MX2: variants seen among roughly 807,000 people sequenced by gnomAD.
The protein encoded by MX2 is MX dynamin like GTPase 2.
Under a neutral mutation model 74.0 loss-of-function variants are expected in MX2, and 51 were observed. The observed-to-expected ratio is 0.69, with a 90% CI of 0.55 to 0.87. MX2 has a LOEUF of 0.87. MX2 is among the 40% of genes least tolerant of loss of function. The pLI, the probability that MX2 is intolerant of heterozygous loss-of-function variation, is 0.00. For synonymous variants in MX2, 369 were observed against 339.3 expected (o/e 1.09, Z -0.96); for missense variants, 832 against 908.7 (o/e 0.92, Z 1.09).
At position 41,368,547 on chromosome 21, in the gene MX2, C is replaced by G. The variant is rs2089287738; in HGVS notation, c.-72+6492C>G. Among the ~76,000 whole-genome samples, 1 of 152,186 alleles carries G rather than the reference C, an allele frequency of 6.6e-6. No individual in the cohort carries two copies. ...ATGTTCACCCCTGCAACTTTTCACC[C>G]CTTTATTTTGCAGAGCAATCTGTGC... On this transcript the variant is annotated intron_variant, in intron 1 of 13. Transcript: ENST00000330714. The surrounding 1 kb of genome is among the most constrained non-coding windows in gnomAD (Gnocchi z 4.6).
At chr21:41,369,192 G>C (rs2089293868) in intron 1 of MX2, among the ~76,000 whole-genome samples, 1 of 152,236 alleles carries the variant, frequency 6.6e-6, no homozygotes, top group Admixed American at 6.5e-5. Context: ...GGGAGGAGGG[G>C]GGTGCAGGAG....
rs770694990 is a variant in MX2 at position 41,397,640 on chromosome 21, G to T, written c.1098G>T (p.Thr366=). Residue 366 remains threonine (T), a synonymous_variant, in exon 8 of 14, where the codon ACG becomes ACT. Transcript: ENST00000330714. ...FRVLLEEGSA[T]VPRLAERLTT... ...TTCTCCTGGAGGAGGGGTCAGCCAC[G>T]GTTCCCCGACTGGCAGAAAGACTTA... is the stretch of plus-strand genomic sequence containing the variant. 13 of 1,614,020 alleles carry T rather than the reference G, an allele frequency of 8.1e-6. No individual in the cohort carries two copies. In the South Asian group the frequency reaches 1.1e-4, roughly 14 times the overall value.
At chr21:41,382,625 C>T (rs1238358453) in intron 5 of MX2, 61 bp downstream of exon 5, 15 of 1,600,906 alleles carry the variant, frequency 9.4e-6, no homozygotes, top group Admixed American at 1.7e-5. Context: ...TCAGAGGTCC[C>T]CAGGGTCCTG....
In MX2 at chr21:41,402,134, G is replaced by A. The variant is rs750887808; in HGVS notation, c.1573+6G>A. ...CATGCTCCAGAAAGCCATGGGTGAG[G>A]ACTTTCAAGCAGGACTCCCAAACCA... On this transcript the variant is annotated splice_donor_region_variant and intron_variant, in intron 11 of 13. Coordinates refer to ENST00000330714, the MANE Select transcript of MX2 (RefSeq NM_002463.2). This position sits in a 1 kb window ranked among gnomAD's most constrained non-coding sequence, Gnocchi z 4.5. The A allele has an allele frequency of 6.2e-7, 1 of 1,610,698 alleles. No homozygotes were observed. The highest frequency in any genetic ancestry group is 8.5e-7 in the Non-Finnish European group (1 of 1,178,820).
chr21:41,386,782 A>G (rs1162946434), intron 5 of MX2, among the ~76,000 whole-genome samples: 3 of 152,104 alleles, frequency 2.0e-5, no homozygotes. Flanking sequence ...ATCCTCCTCC[A>G]TGTTCCTGGA....
chr21:41,375,634 C>T (rs1241009144), intron 1 of MX2, among the ~76,000 whole-genome samples: 1 of 152,206 alleles, frequency 6.6e-6, no homozygotes, highest in Non-Finnish European at 1.5e-5. Flanking sequence ...TCTCCCTCTG[C>T]CTGTCTCTGA....
At chr21:41,376,712 TG>T (rs1476133153) in intron 1 of MX2, 123 bp from the exon 2 acceptor site, 9 of 684,242 alleles carry the variant, frequency 1.3e-5, no homozygotes, top group Non-Finnish European at 2.2e-5. Context: ...ACTGGACCCC[TG>T]GTCTCTGCAT....
chr21:41,366,602 G>A lies in MX2; in HGVS notation c.-72+4547G>A, dbSNP rs1300900160. 1 of 152,166 alleles carries A rather than the reference G, an allele frequency of 6.6e-6. No homozygotes were observed. The highest frequency in any genetic ancestry group is 2.4e-5 in the African/African-American group (1 of 41,432). The allele number at this position is 152,166 out of a possible 1,614,324, so 9.4% of individuals were successfully genotyped here. ...GCAGAGGTCCTTCTCAGATGCTTTG[G>A]GTCCTGCCATTGAAAGGGAAGAAGA... On this transcript the variant is annotated intron_variant, in intron 1 of 13. Coordinates refer to ENST00000330714, the MANE Select transcript of MX2 (RefSeq NM_002463.2). The surrounding 1 kb of genome is among the most constrained non-coding windows in gnomAD (Gnocchi z 4.5).
At chr21:41,407,132 T>C in intron 13 of MX2, 134 bp downstream of exon 13, 2 of 781,964 alleles carry the variant, frequency 2.6e-6, no homozygotes, top group East Asian at 2.8e-5. Context: ...TTCTGTATTA[T>C]GATAAACTAC....
intron 1 of MX2, among the ~76,000 whole-genome samples, chr21:41,375,092 C>A (rs1473478084): frequency 1.3e-5 from 2 of 152,222 alleles, no homozygotes; most frequent in African/African-American, 4.8e-5. Context: ...TCCCCACTTC[C>A]TCCAAGCCTT....
intron 12 of MX2, among the ~76,000 whole-genome samples, chr21:41,405,896 G>GA (rs2089879653): frequency 5.4e-5 from 3 of 55,568 alleles, no homozygotes; most frequent in Admixed American, 1.6e-4. Flanking sequence ...GTGAGATGGG[G>GA]GTTCGTCATG....
In MX2 at chr21:41,377,822, C is replaced by G. The variant is rs370985855; in HGVS notation, c.283C>G (p.Gln95Glu). Residue 95 changes from glutamine to glutamate, a missense_variant, in exon 3 of 14, where the codon CAG becomes GAG. Transcript: ENST00000330714. The part of the protein sequence containing the change: ...PENNLYSQYE[Q>E]KVRPCIDLID... ...GAACAACCTGTACAGCCAGTACGAG[C>G]AGAAGGTGCGCCCCTGCATTGACCT... The G allele has an allele frequency of 1.2e-5, 20 of 1,613,776 alleles. No individual in the cohort carries two copies. The highest frequency in any genetic ancestry group is 2.7e-5 in the African/African-American group (2 of 74,934).
chr21:41,386,267 A>G (rs1352014991), intron 5 of MX2, among the ~76,000 whole-genome samples: 5 of 151,378 alleles, frequency 3.3e-5, no homozygotes, highest in Admixed American at 6.6e-5. Flanking sequence ...GCAAAGCACA[A>G]TAAAGCGAAG....
At chr21:41,397,001 T>C in intron 7 of MX2, among the ~76,000 whole-genome samples, 1 of 152,218 alleles carries the variant, frequency 6.6e-6, no homozygotes, top group East Asian at 1.9e-4. Context: ...TCTCAAGGTC[T>C]TTGGGAAATC....
At chr21:41,374,631 G>T (rs1490887091) in intron 1 of MX2, among the ~76,000 whole-genome samples, 3 of 152,332 alleles carry the variant, frequency 2.0e-5, no homozygotes, top group East Asian at 3.9e-4. Context: ...TGCCCCAGGG[G>T]CTAGCTTCCC....
chr21:41,399,071 C>T, intron 9 of MX2, 52 bp downstream of exon 9: 4 of 1,597,390 alleles, frequency 2.5e-6, no homozygotes, highest in Non-Finnish European at 3.4e-6. Flanking sequence ...CCTGGTGGCC[C>T]TGCAGCTGCC....
chr21:41,397,640 G>A lies in MX2; in HGVS notation c.1098G>A (p.Thr366=), dbSNP rs770694990. ...FRVLLEEGSA[T]VPRLAERLTT... ...TTCTCCTGGAGGAGGGGTCAGCCAC[G>A]GTTCCCCGACTGGCAGAAAGACTTA... is the stretch of plus-strand genomic sequence containing the variant. The change falls in exon 8 of 14, where the codon ACG becomes ACA. Residue 366 remains threonine, a synonymous_variant. Transcript: ENST00000330714. 3.6e-5 allele frequency: 58 copies of A among 1,613,902 alleles called. No homozygotes were observed. The highest frequency in any genetic ancestry group is 8.8e-5 in the South Asian group (8 of 91,062).
chr21:41,396,345 T>C (rs1203605107), intron 7 of MX2, among the ~76,000 whole-genome samples: 1 of 152,248 alleles, frequency 6.6e-6, no homozygotes, highest in Non-Finnish European at 1.5e-5. Context: ...GAAATTATCC[T>C]ATAGAGACTC....
rs554958879 is a variant in MX2, at chr21:41,376,764, G to T, written c.-71-72G>T. On this transcript the variant is annotated intron_variant, in intron 1 of 13. Coordinates refer to ENST00000330714, the MANE Select transcript of MX2 (RefSeq NM_002463.2). ...AGGTTGTAGGGTGGGGTGAGGAGGG[G>T]TTGGCAAAAGTGCCAACTCAGGGAG... is the stretch of plus-strand genomic sequence containing the variant. The T allele has an allele frequency of 2.5e-4, 314 of 1,238,898 alleles. 2 individuals are homozygous for T. In the South Asian group the frequency reaches 4.2e-3, roughly 17 times the overall value. The allele number at this position is 1,238,898 out of a possible 1,614,324, so 76.7% of individuals were successfully genotyped here.
Sources: gnomAD v4.1 joint callset for allele counts (sites outside exome capture counted in the v4.1 genomes callset) on GRCh38, gnomAD v4.1.1 for gene constraint, Gnocchi (gnomAD v3.1) non-coding constraint, MANE v1.5 for transcripts, NCBI Gene and HGNC (gene_info 2026-07-23, HGNC 2026-07-21) for gene names.